The following ACOX3 variants were observed in gnomAD, a reference collection of about 807,000 sequenced individuals.
The protein encoded by ACOX3 is acyl-CoA oxidase 3, pristanoyl.
Under a neutral mutation model 81.5 loss-of-function variants are expected in ACOX3, and 73 were observed. The ratio of observed to expected loss-of-function variants is 0.90; its 90% CI spans 0.74 to 1.09. The LOEUF (loss-of-function observed/expected upper bound fraction) is 1.09. Ranked by LOEUF, ACOX3 falls within the 50% of genes least tolerant of loss-of-function variation. The probability of loss-of-function intolerance (pLI) is 0.00; values close to 1 mark genes in which losing one functional copy is unlikely to be tolerated. For synonymous variants in ACOX3, 387 were observed against 375.1 expected (o/e 1.03, Z -0.37); for missense variants, 947 against 928.0 (o/e 1.02, Z -0.27).
chr4:8,410,405 G>A, intron 5 of ACOX3, 50 bp from the exon 6 acceptor site: 2 of 1,598,534 alleles, frequency 1.3e-6, no homozygotes, highest in Non-Finnish European at 8.6e-7. Context: ...TAAAGCACAT[G>A]CAGAATTGGT....
rs972551127 is a variant in ACOX3 at position 8,394,426 on chromosome 4, G to C, written c.1179+194C>G. ...CGTGTCAGCACATCCTTGAGAGGCA[G>C]GGGTGTGGACGCGTGCCCAGCCCGT... is the stretch of plus-strand genomic sequence containing the variant. On this transcript the variant is annotated intron_variant, in intron 10 of 17. Transcript: ENST00000356406. The surrounding 1 kb of genome is among the most constrained non-coding windows in gnomAD (Gnocchi z 5.9). Among the ~76,000 whole-genome samples the C allele has an allele frequency of 1.3e-5, 2 of 152,242 alleles. No individual in the cohort carries two copies. Among genetic ancestry groups the C allele is most frequent in the East Asian group, 1.9e-4 (1 of 5,200 alleles).
chr4:8,379,549 C>T (rs1478165892), intron 14 of ACOX3, among the ~76,000 whole-genome samples: 3 of 152,114 alleles, frequency 2.0e-5, no homozygotes, highest in Non-Finnish European at 2.9e-5. Flanking sequence ...ACCAAGTTCT[C>T]GAAGGAAAAG....
chr4:8,434,410 G>A (rs1211209897), intron 1 of ACOX3, among the ~76,000 whole-genome samples: 1 of 152,246 alleles, frequency 6.6e-6, no homozygotes, highest in African/African-American at 2.4e-5. Flanking sequence ...GAGAAGCGAG[G>A]TGATTAAGGG....
chr4:8,385,532 C>A lies in ACOX3; in HGVS notation c.1537+3641G>T, dbSNP rs115201627. Among the ~76,000 whole-genome samples the A allele has an allele frequency of 5.5e-3, 837 of 152,384 alleles. 6 individuals are homozygous for A. Among genetic ancestry groups the A allele is most frequent in the African/African-American group, 0.019 (800 of 41,598 alleles). On this transcript the variant is annotated intron_variant, in intron 13 of 17. Coordinates refer to ENST00000356406, the MANE Select transcript of ACOX3 (RefSeq NM_003501.3). This position sits in a 1 kb window ranked among gnomAD's most constrained non-coding sequence, Gnocchi z 5.5. Reference sequence around the variant, plus strand: ...CGAGCCAGCTAAACAACAGGGCCCACTGCAGGAAGCAACAGCACAGGCCCC... The same window carrying A: ...CGAGCCAGCTAAACAACAGGGCCCAATGCAGGAAGCAACAGCACAGGCCCC...
rs1003742600 is a variant in ACOX3, at chr4:8,384,139, A to C, written c.1538-2532T>G. On this transcript the variant is annotated intron_variant, in intron 13 of 17. Transcript: ENST00000356406. This position sits in a 1 kb window ranked among gnomAD's most constrained non-coding sequence, Gnocchi z 5.3. ...TCTCTGCAACCAGAATTAATCCATG[A>C]GGCTTCACGTCGATGGCCAGTTAGA... Among the ~76,000 whole-genome samples the C allele has an allele frequency of 3.9e-5, 6 of 152,186 alleles. No homozygotes were observed. Among genetic ancestry groups the C allele is most frequent in the African/African-American group, 1.4e-4 (6 of 41,438 alleles).
At position 8,430,728 on chromosome 4, in the gene ACOX3, C is replaced by T. The variant is rs1363104651; in HGVS notation, c.-15+9920G>A. 1.3e-5 allele frequency among the ~76,000 whole-genome samples: 2 copies of T among 152,028 alleles called. No homozygotes were observed. Among genetic ancestry groups the T allele is most frequent in the African/African-American group, 4.8e-5 (2 of 41,402 alleles). ...AAAATTAGCTGGGCATGGTGGCGGG[C>T]GCCTGTAATCCCAGCTACTTGGGAG... is the stretch of plus-strand genomic sequence containing the variant. On this transcript the variant is annotated intron_variant, in intron 1 of 17. Coordinates refer to ENST00000356406, the MANE Select transcript of ACOX3 (RefSeq NM_003501.3). This position sits in a 1 kb window ranked among gnomAD's most constrained non-coding sequence, Gnocchi z 5.2.
At chr4:8,434,485 A>G (rs1361242977) in intron 1 of ACOX3, among the ~76,000 whole-genome samples, 1 of 152,282 alleles carries the variant, frequency 6.6e-6, no homozygotes, top group Non-Finnish European at 1.5e-5. Flanking sequence ...GGGGGGCTCC[A>G]GCCAGCTTGC....
Position 8,390,105 on chromosome 4 carries a change from C to CAAAAA in ACOX3, c.1301-372_1301-371insTTTTT, listed in dbSNP as rs752872641. Among the ~76,000 whole-genome samples the CAAAAA allele has an allele frequency of 6.2e-5, 8 of 129,748 alleles. 1 individual carries two copies. Among genetic ancestry groups the CAAAAA allele is most frequent in the African/African-American group, 1.6e-4 (5 of 30,480 alleles). The allele number at this position is 129,748 out of a possible 152,430, so 85.1% of individuals were successfully genotyped here. On this transcript the variant is annotated intron_variant, in intron 11 of 17. Transcript: ENST00000356406. ...GTGACAGAGCAAGACCCTGTCTCAA[C>CAAAAA]AACAACAACAACAAAAAAAGCCATG...
the ACOX3 span, chr4:8,357,025 A>G: frequency 2.2e-6 from 1 of 456,390 alleles, no homozygotes; most frequent in South Asian, 1.5e-5. Context: ...GTGCATGCTA[A>G]CGTGATCCCG....
chr4:8,402,618 AG>A (rs1003301584), intron 7 of ACOX3, among the ~76,000 whole-genome samples: 2 of 152,210 alleles, frequency 1.3e-5, no homozygotes, highest in African/African-American at 4.8e-5. Flanking sequence ...ACGAATTCTC[AG>A]GGGATCCCTT....
chr4:8,397,176 G>A (rs1719807237), intron 8 of ACOX3, 57 bp from the exon 9 acceptor site: 1 of 1,458,774 alleles, frequency 6.9e-7, no homozygotes, highest in Admixed American at 2.6e-5. Flanking sequence ...ACCTTGGGCA[G>A]AGTGGCTCAG....
At chr4:8,440,336 A>G (rs1724542169) in intron 1 of ACOX3, among the ~76,000 whole-genome samples, 1 of 152,256 alleles carries the variant, frequency 6.6e-6, no homozygotes, top group Non-Finnish European at 1.5e-5. Flanking sequence ...AGTAGGTGAC[A>G]GATGACTTTC....
intron 1 of ACOX3, among the ~76,000 whole-genome samples, chr4:8,424,518 A>G (rs1011815498): frequency 1.3e-5 from 2 of 152,262 alleles, no homozygotes; most frequent in Non-Finnish European, 2.9e-5. Context: ...TGGCAGCAGT[A>G]GCAGTCTTAG....
intron 6 of ACOX3, among the ~76,000 whole-genome samples, chr4:8,408,577 C>A (rs1214637976): frequency 6.6e-6 from 1 of 152,206 alleles, no homozygotes; most frequent in East Asian, 1.9e-4. Flanking sequence ...CCAGGCAACT[C>A]CCGCAAGAAG....
chr4:8,356,005 C>G, the ACOX3 span: 125 of 176,592 alleles, frequency 7.1e-4, 2 homozygotes, highest in East Asian at 0.012. Context: ...CTCATCAGGT[C>G]GGCAACAGGC....
chr4:8,418,555 AAGAC>A (rs1722592413), intron 1 of ACOX3, among the ~76,000 whole-genome samples: 1 of 152,168 alleles, frequency 6.6e-6, no homozygotes, highest in Non-Finnish European at 1.5e-5. Context: ...CATTTCTCCA[AAGAC>A]AGACAAATGG....
At position 8,389,788 on chromosome 4, in the gene ACOX3, C is replaced by T; in HGVS notation, c.1301-54G>A. 6.2e-7 allele frequency: 1 copy of T among 1,601,510 alleles called. No homozygotes were observed. Among genetic ancestry groups the T allele is most frequent in the East Asian group, 2.2e-5 (1 of 44,574 alleles). On this transcript the variant is annotated intron_variant, in intron 11 of 17. Transcript: ENST00000356406. The surrounding 1 kb of genome is among the most constrained non-coding windows in gnomAD (Gnocchi z 5.3). ...TTTAAGACGCATATTTGAGAAGCAG[C>T]CTGTCACTATGTGAGAATTTAAAAA...
At position 8,382,569 on chromosome 4, in the gene ACOX3, C is replaced by CA. The variant is rs1717807890; in HGVS notation, c.1538-963dup. On this transcript the variant is annotated intron_variant, in intron 13 of 17. Transcript: ENST00000356406. The surrounding 1 kb of genome is among the most constrained non-coding windows in gnomAD (Gnocchi z 4.1). The stretch of plus-strand genomic sequence containing the variant: ...CAGGCTGCAGGGGCCTTCTGCCTGG[C>CA]AGCCGGTCTTGCTCAGAGATCCCAG... 6.6e-6 allele frequency among the ~76,000 whole-genome samples: 1 copy of CA among 152,240 alleles called. No individual in the cohort carries two copies. The highest frequency in any genetic ancestry group is 1.5e-5 in the Non-Finnish European group (1 of 68,036).
Position 8,416,079 on chromosome 4 carries a change from G to A in ACOX3, c.145-80C>T, listed in dbSNP as rs116410488. 0.013 allele frequency: 18,084 copies of A among 1,397,348 alleles called. 167 individuals carry two copies. Among genetic ancestry groups the A allele is most frequent in the Middle Eastern group, 0.046 (255 of 5,596 alleles). 86.6% of individuals were successfully genotyped at this position (1,397,348 alleles called of 1,614,324 possible). A position where few individuals can be genotyped will look rare whatever the true frequency, so the allele number is the denominator to read the frequency against. Reference sequence around the variant, plus strand: ...TGTGCCCTTATATAGTTGACCTCCAGGCCACAGGCTTCATGGGACACAGTC... The same window carrying A: ...TGTGCCCTTATATAGTTGACCTCCAAGCCACAGGCTTCATGGGACACAGTC... On this transcript the variant is annotated intron_variant, in intron 2 of 17. Transcript: ENST00000356406. The surrounding 1 kb of genome is among the most constrained non-coding windows in gnomAD (Gnocchi z 4.2).
Sources: allele counts gnomAD v4.1 joint callset (sites outside exome capture counted in the v4.1 genomes callset), GRCh38; gene constraint gnomAD v4.1.1; non-coding constraint Gnocchi (gnomAD v3.1); transcripts MANE v1.5; gene names NCBI Gene and HGNC (gene_info 2026-07-23, HGNC 2026-07-21).